Variants in TBC1D2B observed in about 807,000 individuals in gnomAD.
TBC1D2B encodes TBC1 domain family, member 2B.
In TBC1D2B, 64 loss-of-function variants were observed where a neutral mutation model predicts 100.8. The ratio of observed to expected loss-of-function variants is 0.64; its 90% confidence interval spans 0.52 to 0.78. TBC1D2B has a LOEUF of 0.78. Ranked by LOEUF, TBC1D2B falls within the 30% of genes least tolerant of loss-of-function variation. The pLI is 0.00. For missense variants in TBC1D2B, 1,052 were observed against 1,218.4 expected, an observed-to-expected ratio of 0.86 and a Z score of 2.03; for synonymous variants, 480 against 479.7, an observed-to-expected ratio of 1.00 and a Z score of -0.01.
At chr15:78,035,565 G>A (rs1027291741) in intron 3 of TBC1D2B, among the ~76,000 whole-genome samples, 7 of 152,194 alleles carry the variant, frequency 4.6e-5, no homozygotes, top group Non-Finnish European at 8.8e-5. Flanking sequence ...CCAGACTACA[G>A]GCCCTGTTAA....
intron 11 of TBC1D2B, chr15:78,001,983 T>G: frequency 9.9e-6 from 3 of 302,538 alleles, no homozygotes; most frequent in Non-Finnish European, 1.2e-5. Flanking sequence ...AAAATCTCCT[T>G]ATAGGAGATC....
rs2073418922 is a variant in TBC1D2B at position 78,056,221 on chromosome 15, G to C, written c.361-2034C>G. Among the ~76,000 whole-genome samples, 3 of 152,340 alleles carry C rather than the reference G, an allele frequency of 2.0e-5. No individual in the cohort carries two copies. In the South Asian group the frequency reaches 6.2e-4, roughly 32 times the overall value. On this transcript the variant is annotated intron_variant, in intron 1 of 12. Coordinates refer to ENST00000300584, the MANE Select transcript of TBC1D2B (RefSeq NM_144572.2). ...TTAAAGGGGAAGCAGGCAGTGGCCA[G>C]AGGAAAAGAGATTCCAGGGAGAGAG...
At chr15:78,069,141 G>A (rs79560572) in intron 1 of TBC1D2B, among the ~76,000 whole-genome samples, 4,595 of 152,272 alleles carry the variant, frequency 0.03, 254 homozygotes, top group African/African-American at 0.11. Flanking sequence ...CCTCAGACGT[G>A]AGGTGGGAGC....
chr15:78,046,580 C>T (rs755849741), intron 2 of TBC1D2B, among the ~76,000 whole-genome samples: 2 of 151,984 alleles, frequency 1.3e-5, no homozygotes, highest in Admixed American at 1.3e-4. Flanking sequence ...AATCCTCTTG[C>T]TTCAGCCTAC....
At chr15:78,021,559 G>A (rs2072516887) in intron 6 of TBC1D2B, among the ~76,000 whole-genome samples, 1 of 152,146 alleles carries the variant, frequency 6.6e-6, no homozygotes, top group Admixed American at 6.5e-5. Flanking sequence ...ATTGCAGAGG[G>A]ACCCCCAGCA....
chr15:78,039,925 A>C (rs1431601691), intron 3 of TBC1D2B, among the ~76,000 whole-genome samples: 1 of 152,214 alleles, frequency 6.6e-6, no homozygotes, highest in Non-Finnish European at 1.5e-5. Flanking sequence ...TCTTGAACAG[A>C]ACTAGAGCTG....
chr15:78,033,195 T>C (rs745708126), intron 3 of TBC1D2B, among the ~76,000 whole-genome samples: 7 of 152,248 alleles, frequency 4.6e-5, no homozygotes, highest in Non-Finnish European at 7.3e-5. Context: ...AAGAGACATC[T>C]TAATTCATTT....
chr15:78,032,240 C>T (rs149093677), intron 3 of TBC1D2B, among the ~76,000 whole-genome samples: 1 of 152,220 alleles, frequency 6.6e-6, no homozygotes, highest in East Asian at 1.9e-4. Flanking sequence ...AGTGGAAAAC[C>T]TCATAATTCA....
Position 78,077,370 on chromosome 15 carries a change from C to T in TBC1D2B, c.283G>A (p.Asp95Asn), listed in dbSNP as rs1395685834. The part of the protein sequence containing the change: ...ADACFSYQGP[D>N]EAAEPGTEPP... ...TCCGTGCCCGGCTCCGCCGCCTCGT[C>T]GGGGCCCTGGTAGCTGAAGCAGGCG... The change falls in exon 1 of 13, where the codon GAC becomes AAC. Residue 95 changes from aspartate (D) to asparagine (N), a missense_variant. Coordinates refer to ENST00000300584, the MANE Select transcript of TBC1D2B (RefSeq NM_144572.2). 6.5e-7 allele frequency: 1 copy of T among 1,541,174 alleles called. No individual in the cohort carries two copies. The highest frequency in any genetic ancestry group is 1.4e-5 in the African/African-American group (1 of 71,524).
intron 1 of TBC1D2B, 36 bp downstream of exon 1, chr15:78,077,257 G>A (rs1444822577): frequency 4.3e-6 from 6 of 1,405,278 alleles, no homozygotes; most frequent in Non-Finnish European, 5.5e-6. Flanking sequence ...GACGCCGGCG[G>A]AAGCGCGCGG....
At chr15:78,002,045 A>G (rs4886987) in intron 11 of TBC1D2B, 164,082 of 182,832 alleles carry the variant, frequency 0.9, 74,448 homozygotes, top group East Asian at 0.99. Context: ...TAAAGCATAA[A>G]GAACAAACAT....
intron 2 of TBC1D2B, among the ~76,000 whole-genome samples, chr15:78,048,141 G>A (rs1238948419): frequency 2.0e-5 from 3 of 152,202 alleles, no homozygotes; most frequent in African/African-American, 4.8e-5. Flanking sequence ...ACTTCCTGAG[G>A]AACTCAGAGG....
chr15:78,003,507 G>A lies in TBC1D2B; in HGVS notation c.2389-17C>T. 1 of 1,595,636 alleles carries A rather than the reference G, an allele frequency of 6.3e-7. No individual in the cohort carries two copies. The highest frequency in any genetic ancestry group is 2.3e-5 in the East Asian group (1 of 44,416). On this transcript the variant is annotated splice_polypyrimidine_tract_variant and intron_variant, in intron 10 of 12. Coordinates refer to ENST00000300584, the MANE Select transcript of TBC1D2B (RefSeq NM_144572.2). Reference sequence around the variant, plus strand: ...CTGGTCCACCTGGAGAGGGAACAAAGGGGAGAAGTGTATCAGGCCTGCCAG... The same window carrying A: ...CTGGTCCACCTGGAGAGGGAACAAAAGGGAGAAGTGTATCAGGCCTGCCAG...
chr15:78,028,637 G>T (rs115124524), intron 4 of TBC1D2B, among the ~76,000 whole-genome samples: 1 of 152,200 alleles, frequency 6.6e-6, no homozygotes, highest in Admixed American at 6.5e-5. Context: ...GATGCGATAC[G>T]ATAGGAAGCA....
chr15:78,025,271 C>G lies in TBC1D2B; in HGVS notation c.1074G>C (p.Leu358=). ...QEELEQLKKD[L]SSQKELVRLL... is the part of the protein sequence containing the mutation. ...AAGAAGAAGTTACCTTCTGACTGGA[C>G]AGGTCTTTCTTTAACTGTTCCAGCT... is the stretch of plus-strand genomic sequence containing the variant. Residue 358 remains leucine, a synonymous_variant, in exon 5 of 13, where the codon CTG becomes CTC. Transcript: ENST00000300584. 6.2e-7 allele frequency: 1 copy of G among 1,613,510 alleles called. No individual in the cohort carries two copies. The highest frequency in any genetic ancestry group is 8.5e-7 in the Non-Finnish European group (1 of 1,179,770).
In TBC1D2B at chr15:78,024,181, T is replaced by A. The variant is rs151079776; in HGVS notation, c.1445A>T (p.Asp482Val). Residue 482 changes from aspartate to valine, a missense_variant, in exon 6 of 13, where the codon GAC becomes GTC. This residue lies in a region of TBC1D2B where 627 missense variants were observed against 646.1 expected (regional missense o/e 0.97). Transcript: ENST00000300584. ...TTTCAGCCTGTCCAGTTCCAGCTGG[T>A]CCCTGGCAACAGGCACAACCGAAGG... ...SSPSVVPVAR[D>V]QLELDRLKDN... 12 of 1,613,370 alleles carry A rather than the reference T, an allele frequency of 7.4e-6. No homozygotes were observed. The highest frequency in any genetic ancestry group is 1.1e-5 in the South Asian group (1 of 91,058).
In TBC1D2B at chr15:77,997,035, C is replaced by G. The variant is rs981209260; in HGVS notation, c.*1125G>C. 1.3e-5 allele frequency: 2 copies of G among 152,240 alleles called. No homozygotes were observed. Among genetic ancestry groups the G allele is most frequent in the African/African-American group, 4.8e-5 (2 of 41,458 alleles). The allele number at this position is 152,240 out of a possible 1,614,324, so 9.4% of individuals were successfully genotyped here. A position where few individuals can be genotyped will look rare whatever the true frequency, so the allele number is the denominator to read the frequency against. ...TGGCAGAGAACAAGGATGTTCCAGG[C>G]AGTGGTGGGGTGGGCACACATCTGG... On this transcript the variant is annotated 3_prime_UTR_variant, in exon 13 of 13. Transcript: ENST00000300584.
rs547997471 is a variant in TBC1D2B, at chr15:78,013,114, C to T, written c.1979G>A (p.Arg660His). The T allele has an allele frequency of 3.1e-6, 5 of 1,614,000 alleles. No individual in the cohort carries two copies. Among genetic ancestry groups the T allele is most frequent in the Non-Finnish European group, 2.5e-6 (3 of 1,179,900 alleles). ...ACGGTGCTCGTGGGGAATGCCCGCACGGATGAGGTTTTTTAACTCTGGAGA... is the reference window on the plus strand; with the variant it reads ...ACGGTGCTCGTGGGGAATGCCCGCATGGATGAGGTTTTTTAACTCTGGAGA... ...MCSPELKNLI[R>H]AGIPHEHRSK... The change falls in exon 9 of 13, where the codon CGT becomes CAT. Residue 660 changes from arginine to histidine, a missense_variant. Transcript: ENST00000300584.
At chr15:78,058,635 C>A (rs11858043) in intron 1 of TBC1D2B, among the ~76,000 whole-genome samples, 1 of 152,200 alleles carries the variant, frequency 6.6e-6, no homozygotes. Flanking sequence ...AGCCAGTCAG[C>A]GCAGAAGCTA....
Sources: allele counts gnomAD v4.1 joint callset (sites outside exome capture counted in the v4.1 genomes callset), GRCh38; gene constraint gnomAD v4.1.1; regional missense constraint gnomAD v4.1.1; transcripts MANE v1.5; gene names NCBI Gene and HGNC (gene_info 2026-07-23, HGNC 2026-07-21).